Variants in NGEF observed in about 807,000 individuals in gnomAD.
NGEF encodes the protein neuronal guanine nucleotide exchange factor.
In NGEF, 31 loss-of-function variants were observed where a neutral mutation model predicts 80.9. The observed-to-expected ratio is 0.38, with a 90% CI of 0.29 to 0.52. The LOEUF (loss-of-function observed/expected upper bound fraction) is 0.52. Among genes scored for constraint, NGEF ranks in the 20% least tolerant of loss-of-function variants. The pLI is 0.84. For synonymous variants in NGEF, 371 were observed against 370.2 expected, an observed-to-expected ratio of 1.00 and a Z score of -0.03; for missense variants, 709 against 926.2, an observed-to-expected ratio of 0.77 and a Z score of 3.04.
At chr2:232,985,454 T>G (rs1694512337) in intron 1 of NGEF, among the ~76,000 whole-genome samples, 1 of 151,966 alleles carries the variant, frequency 6.6e-6, no homozygotes, top group Non-Finnish European at 1.5e-5. Context: ...CCATCTCTAC[T>G]AAAAATACAA....
chr2:232,881,043 A>G, intron 14 of NGEF, 103 bp downstream of exon 14: 1 of 880,934 alleles, frequency 1.1e-6, no homozygotes, highest in South Asian at 1.5e-5. Flanking sequence ...ATGGCAGGAC[A>G]CCAGCCTGTC....
rs142403911 is a variant in NGEF at position 232,914,632 on chromosome 2, G to A, written c.828+5652C>T. 2.5e-3 allele frequency among the ~76,000 whole-genome samples: 375 copies of A among 152,296 alleles called. 5 individuals are homozygous for A. Among genetic ancestry groups the A allele is most frequent in the African/African-American group, 8.7e-3 (362 of 41,560 alleles). ...GCACGAGAATTGCTTGAACCCAGGAGGCTAAGGTTACAGCGAACCAAGATT... is the reference window on the plus strand; with the variant it reads ...GCACGAGAATTGCTTGAACCCAGGAAGCTAAGGTTACAGCGAACCAAGATT... On this transcript the variant is annotated intron_variant, in intron 5 of 14. Transcript: ENST00000264051.
rs77431673 is a variant in NGEF at position 232,989,668 on chromosome 2, G to C, written c.-74-14704C>G. ...AATGAGTCTAGACAGAGAGAAGTTA[G>C]AGGCCATGATGGGGAAAAGTAAAGC... is the stretch of plus-strand genomic sequence containing the variant. On this transcript the variant is annotated intron_variant, in intron 1 of 14. Coordinates refer to ENST00000264051, the MANE Select transcript of NGEF (RefSeq NM_019850.3). Among the ~76,000 whole-genome samples the C allele has an allele frequency of 8.5e-3, 1,294 of 152,304 alleles. 22 individuals carry two copies. The highest frequency in any genetic ancestry group is 0.03 in the African/African-American group (1,232 of 41,548).
chr2:232,900,050 G>A lies in NGEF; in HGVS notation c.829-5134C>T, dbSNP rs868738884. Among the ~76,000 whole-genome samples, 114 of 114,934 alleles carry A rather than the reference G, an allele frequency of 9.9e-4. 2 individuals carry two copies. The highest frequency in any genetic ancestry group is 4.1e-3 in the African/African-American group (106 of 25,792). 75.4% of individuals were successfully genotyped at this position (114,934 alleles called of 152,430 possible). A position where few individuals can be genotyped will look rare whatever the true frequency, so the allele number is the denominator to read the frequency against. On this transcript the variant is annotated intron_variant, in intron 5 of 14. Transcript: ENST00000264051. ...CACTCACATTCACTCACACACACAC[G>A]CTCTCACAGTCACTCATATACACGT...
At chr2:232,974,296 C>G (rs1287077052) in intron 2 of NGEF, among the ~76,000 whole-genome samples, 1 of 151,800 alleles carries the variant, frequency 6.6e-6, no homozygotes, top group Admixed American at 6.6e-5. Context: ...TCAGATGACC[C>G]GTAATGTGGA....
intron 3 of NGEF, among the ~76,000 whole-genome samples, chr2:232,952,840 TC>T (rs1693704281): frequency 1.3e-5 from 2 of 150,124 alleles, no homozygotes; most frequent in Non-Finnish European, 3.0e-5. Context: ...GTGGTGGCAG[TC>T]ACCTGTAATC....
At chr2:232,901,232 C>T in intron 5 of NGEF, 1 of 339,828 alleles carries the variant, frequency 2.9e-6, no homozygotes, top group Non-Finnish European at 4.2e-6. Flanking sequence ...ATGGGCCATG[C>T]TGCCTGGCCG....
rs1455727232 is a variant in NGEF, at chr2:232,892,244, T to C, written c.1142+654A>G. Among the ~76,000 whole-genome samples the C allele has an allele frequency of 1.3e-5, 2 of 152,138 alleles. No individual in the cohort carries two copies. Among genetic ancestry groups the C allele is most frequent in the African/African-American group, 4.8e-5 (2 of 41,414 alleles). ...CTTGAAACGTGCACCATGAACTCCA[T>C]GTCTTGGTGGAAAAGCCAGTGAGGC... On this transcript the variant is annotated intron_variant, in intron 7 of 14. Transcript: ENST00000264051. This position sits in a 1 kb window ranked among gnomAD's most constrained non-coding sequence, Gnocchi z 4.0.
intron 1 of NGEF, among the ~76,000 whole-genome samples, chr2:233,011,625 C>G (rs1041802737): frequency 1.3e-5 from 2 of 151,466 alleles, no homozygotes; most frequent in African/African-American, 4.9e-5. Context: ...CAGAGTCTTG[C>G]CAGGTTGCCC....
At chr2:232,982,851 G>A (rs1694460981) in intron 1 of NGEF, among the ~76,000 whole-genome samples, 1 of 152,232 alleles carries the variant, frequency 6.6e-6, no homozygotes, top group Admixed American at 6.5e-5. Context: ...AAAGTGGGGA[G>A]AGTGAGACAG....
chr2:232,977,775 G>C (rs1293703049), intron 1 of NGEF, among the ~76,000 whole-genome samples: 3 of 152,236 alleles, frequency 2.0e-5, no homozygotes, highest in African/African-American at 7.2e-5. Flanking sequence ...AGGCACAGGC[G>C]GGGTGGTGGG....
chr2:232,912,604 G>C (rs1318488711), intron 5 of NGEF, among the ~76,000 whole-genome samples: 1 of 152,092 alleles, frequency 6.6e-6, no homozygotes, highest in Admixed American at 6.6e-5. Flanking sequence ...TACTTTAAAT[G>C]GTTGGTACAA....
chr2:232,959,076 C>T lies in NGEF; in HGVS notation c.383+11138G>A, dbSNP rs149360195. 2.8e-3 allele frequency among the ~76,000 whole-genome samples: 427 copies of T among 152,302 alleles called. 5 individuals are homozygous for T. Among genetic ancestry groups the T allele is most frequent in the East Asian group, 0.019 (97 of 5,190 alleles). Reference sequence around the variant, plus strand: ...CAAATATTGGCTCAAACACCCCCTCCCCACAGTGTGTTTTAAAAGAGATTC... The same window carrying T: ...CAAATATTGGCTCAAACACCCCCTCTCCACAGTGTGTTTTAAAAGAGATTC... On this transcript the variant is annotated intron_variant, in intron 3 of 14. Coordinates refer to ENST00000264051, the MANE Select transcript of NGEF (RefSeq NM_019850.3).
At chr2:232,982,644 G>A (rs1694457255) in intron 1 of NGEF, among the ~76,000 whole-genome samples, 1 of 152,318 alleles carries the variant, frequency 6.6e-6, no homozygotes, top group East Asian at 1.9e-4. Flanking sequence ...CACCTGCATA[G>A]CTGGGATTAT....
chr2:232,969,473 C>CCTTT (rs1553555875), intron 3 of NGEF, among the ~76,000 whole-genome samples: 2 of 58,752 alleles, frequency 3.4e-5, no homozygotes, highest in African/African-American at 2.3e-4. Context: ...TTCCTTCCTT[C>CCTTT]TTCCTTCCTT....
At chr2:232,902,208 A>G (rs1048731533) in intron 5 of NGEF, among the ~76,000 whole-genome samples, 23 of 152,334 alleles carry the variant, frequency 1.5e-4, no homozygotes, top group African/African-American at 5.3e-4. Flanking sequence ...CTGCTGGTGC[A>G]GTCATTTACA....
At chr2:232,958,359 G>T (rs1693875191) in intron 3 of NGEF, among the ~76,000 whole-genome samples, 1 of 152,108 alleles carries the variant, frequency 6.6e-6, no homozygotes, top group Admixed American at 6.6e-5. Context: ...CAAGAGCCTT[G>T]GTCTGCACAG....
intron 1 of NGEF, among the ~76,000 whole-genome samples, chr2:232,978,255 C>T (rs1415988043): frequency 6.6e-6 from 1 of 151,770 alleles, no homozygotes; most frequent in Non-Finnish European, 1.5e-5. Context: ...CATGGTGGCT[C>T]ACGTCTGTAA....
At chr2:232,985,949 A>AT (rs1694524262) in intron 1 of NGEF, among the ~76,000 whole-genome samples, 1 of 152,072 alleles carries the variant, frequency 6.6e-6, no homozygotes, top group South Asian at 2.1e-4. Flanking sequence ...AAAAAAAAAA[A>AT]AGAAAAAAGA....
Sources: gnomAD v4.1 joint callset for allele counts (sites outside exome capture counted in the v4.1 genomes callset) on GRCh38, gnomAD v4.1.1 for gene constraint, Gnocchi (gnomAD v3.1) non-coding constraint, MANE v1.5 for transcripts, NCBI Gene and HGNC (gene_info 2026-07-23, HGNC 2026-07-21) for gene names.